CSMD3: variants seen among roughly 807,000 people sequenced by gnomAD.
The protein encoded by CSMD3 is CUB and Sushi multiple domains 3.
A neutral mutation model predicts 435.2 loss-of-function variants in CSMD3; 177 were observed. The ratio of observed to expected loss-of-function variants is 0.41; its 90% CI spans 0.36 to 0.46. The LOEUF (loss-of-function observed/expected upper bound fraction) is 0.46, where lower values mean the gene tolerates loss of function less well. CSMD3 is among the 20% of genes least tolerant of loss of function. CSMD3 has a pLI of 0.34. For missense variants in CSMD3, 4,265 were observed against 4,504.6 expected (o/e 0.95, Z 1.52); for synonymous variants, 1,656 against 1,520.5 (o/e 1.09, Z -2.07).
chr8:113,173,457 G>T (rs1448595688), intron 4 of CSMD3, among the ~76,000 whole-genome samples: 2 of 152,020 alleles, frequency 1.3e-5, no homozygotes, highest in Non-Finnish European at 2.9e-5. Flanking sequence ...GAGTAGCTGG[G>T]ACTACAGGCG....
intron 5 of CSMD3, among the ~76,000 whole-genome samples, chr8:113,076,409 G>C (rs1240400749): frequency 6.6e-6 from 1 of 151,890 alleles, no homozygotes. Flanking sequence ...ATTAAAGAAA[G>C]AGGGTAATGC....
chr8:113,362,379 C>G (rs2094283248), intron 1 of CSMD3, among the ~76,000 whole-genome samples: 1 of 152,080 alleles, frequency 6.6e-6, no homozygotes, highest in Non-Finnish European at 1.5e-5. Context: ...GGGGAACCTC[C>G]AAGATCAAAA....
intron 4 of CSMD3, 150 bp downstream of exon 4, chr8:113,173,572 T>G: frequency 1.4e-6 from 1 of 693,386 alleles, no homozygotes; most frequent in Non-Finnish European, 2.6e-6. Context: ...TCCACTCACC[T>G]CAGCCTCCCA....
At chr8:113,316,549 T>G (rs960878326) in intron 1 of CSMD3, among the ~76,000 whole-genome samples, 1 of 41,550 alleles carries the variant, frequency 2.4e-5, no homozygotes, top group Non-Finnish European at 4.1e-5. Flanking sequence ...AACAGCTATA[T>G]ACTTTTTTTT....
intron 5 of CSMD3, among the ~76,000 whole-genome samples, chr8:113,055,693 G>C (rs2088298251): frequency 6.6e-6 from 1 of 152,098 alleles, no homozygotes; most frequent in Admixed American, 6.6e-5. Context: ...CATTCTTTAA[G>C]TTTTAAGTTC....
At chr8:112,396,092 T>C (rs1830836067) in intron 35 of CSMD3, among the ~76,000 whole-genome samples, 1 of 152,132 alleles carries the variant, frequency 6.6e-6, no homozygotes, top group African/African-American at 2.4e-5. Context: ...CAGTTTAGTT[T>C]TAGTATGTCA....
chr8:113,257,135 G>T lies in CSMD3; in HGVS notation c.514+21457C>A, dbSNP rs562392981. Among the ~76,000 whole-genome samples, 7 of 152,286 alleles carry T rather than the reference G, an allele frequency of 4.6e-5. 1 individual carries two copies. The highest frequency in any genetic ancestry group is 1.7e-4 in the African/African-American group (7 of 41,576). On this transcript the variant is annotated intron_variant, in intron 3 of 70. Transcript: ENST00000297405. Reference sequence around the variant, plus strand: ...TAAATAAAAACAAAACGGGCCGGGCGCAGTGGCTCATGCCTGTAATCCCAG... The same window carrying T: ...TAAATAAAAACAAAACGGGCCGGGCTCAGTGGCTCATGCCTGTAATCCCAG...
chr8:112,723,768 C>T (rs1367515763), intron 13 of CSMD3, among the ~76,000 whole-genome samples: 1 of 152,030 alleles, frequency 6.6e-6, no homozygotes, highest in Non-Finnish European at 1.5e-5. Context: ...TTTATCATCC[C>T]TACAAGAGGA....
chr8:112,968,967 CAG>C (rs916797513), intron 7 of CSMD3, among the ~76,000 whole-genome samples: 3 of 151,916 alleles, frequency 2.0e-5, no homozygotes, highest in African/African-American at 7.2e-5. Context: ...TATTTGAAAA[CAG>C]TGTTAGTTGC....
chr8:112,376,974 T>C (rs1360826881), intron 38 of CSMD3, among the ~76,000 whole-genome samples: 3 of 152,132 alleles, frequency 2.0e-5, no homozygotes, highest in African/African-American at 7.2e-5. Context: ...TAATTTTATG[T>C]GTGAAATGAC....
chr8:113,428,296 C>A (rs2094649244), intron 1 of CSMD3, among the ~76,000 whole-genome samples: 1 of 151,338 alleles, frequency 6.6e-6, no homozygotes. Flanking sequence ...CTTAAGCTTT[C>A]TTCTAAATTA....
intron 10 of CSMD3, among the ~76,000 whole-genome samples, chr8:112,917,073 C>T (rs2082594798): frequency 6.6e-6 from 1 of 151,858 alleles, no homozygotes; most frequent in African/African-American, 2.4e-5. Context: ...AGGAATTGAA[C>T]CTCATTTAGA....
intron 3 of CSMD3, among the ~76,000 whole-genome samples, chr8:113,186,857 T>C (rs1449684738): frequency 6.6e-6 from 1 of 151,960 alleles, no homozygotes; most frequent in Non-Finnish European, 1.5e-5. Context: ...GAGAAGTTCA[T>C]GAGCTTTTGC....
At chr8:112,290,110 C>T (rs1218053043) in intron 56 of CSMD3, among the ~76,000 whole-genome samples, 4 of 152,014 alleles carry the variant, frequency 2.6e-5, no homozygotes, top group Non-Finnish European at 4.4e-5. Flanking sequence ...AAAGACAATA[C>T]TCAGTGGCTT....
intron 13 of CSMD3, among the ~76,000 whole-genome samples, chr8:112,711,796 C>G (rs970732532): frequency 1.3e-5 from 2 of 152,068 alleles, no homozygotes; most frequent in Non-Finnish European, 2.9e-5. Flanking sequence ...CTTTGTCACT[C>G]AGGCTGGAGT....
chr8:113,420,486 CA>C (rs1285497949), intron 1 of CSMD3, among the ~76,000 whole-genome samples: 3 of 151,520 alleles, frequency 2.0e-5, no homozygotes. Flanking sequence ...GCAAAGGAAA[CA>C]AAATAGAAGT....
rs763136382 is a variant in CSMD3 at position 113,196,952 on chromosome 8, CTT to C, written c.515-23038_515-23037del. On this transcript the variant is annotated intron_variant, in intron 3 of 70. Transcript: ENST00000297405. ...CTGTTTGTGCAATCTCAGGTAAGTA[CTT>C]AACCCCTCTGTGGAACAATTTTCTT... Among the ~76,000 whole-genome samples the C allele has an allele frequency of 4.3e-3, 654 of 151,280 alleles. 3 individuals are homozygous for C. Among genetic ancestry groups the C allele is most frequent in the Non-Finnish European group, 7.0e-3 (474 of 67,396 alleles).
At chr8:112,823,199 A>G (rs951979778) in intron 12 of CSMD3, among the ~76,000 whole-genome samples, 1 of 152,218 alleles carries the variant, frequency 6.6e-6, no homozygotes, top group African/African-American at 2.4e-5. Context: ...GAATAGTTTC[A>G]GAAGGAATGG....
At chr8:113,423,360 A>G (rs2094618668) in intron 1 of CSMD3, among the ~76,000 whole-genome samples, 1 of 152,016 alleles carries the variant, frequency 6.6e-6, no homozygotes, top group Non-Finnish European at 1.5e-5. Context: ...AGCTTCTCTG[A>G]GATTCTCTTT....
Sources: gnomAD v4.1 joint callset for allele counts (sites outside exome capture counted in the v4.1 genomes callset) on GRCh38, gnomAD v4.1.1 for gene constraint, MANE v1.5 for transcripts, NCBI Gene and HGNC (gene_info 2026-07-23, HGNC 2026-07-21) for gene names.